AFDN: variants seen among roughly 807,000 people sequenced by gnomAD.
The protein encoded by AFDN is afadin, adherens junction formation factor.
In AFDN, 68 loss-of-function variants were observed where a neutral mutation model predicts 216.6. The observed-to-expected ratio is 0.31, with a 90% CI of 0.26 to 0.38. AFDN has a LOEUF of 0.38. Among genes scored for constraint, AFDN ranks in the 10% least tolerant of loss-of-function variants. The pLI, the probability that AFDN is intolerant of heterozygous loss-of-function variation, is 1.00. For missense variants in AFDN, 2,136 were observed against 2,342.0 expected (o/e 0.91, Z 1.82); for synonymous variants, 868 against 853.7 (o/e 1.02, Z -0.29).
At chr6:167,859,396 A>C (rs1204678467) in intron 1 of AFDN, among the ~76,000 whole-genome samples, 2 of 152,170 alleles carry the variant, frequency 1.3e-5, no homozygotes, top group African/African-American at 4.8e-5. Context: ...CAGCATAAGA[A>C]ATAAATTGGT....
At chr6:167,917,984 T>C (rs1019762730) in intron 20 of AFDN, among the ~76,000 whole-genome samples, 2 of 152,242 alleles carry the variant, frequency 1.3e-5, no homozygotes, top group Admixed American at 6.5e-5. Context: ...GTGTACACTT[T>C]AGGAACAGTC....
At chr6:167,892,722 C>T (rs1046299168) in intron 8 of AFDN, among the ~76,000 whole-genome samples, 4 of 152,184 alleles carry the variant, frequency 2.6e-5, no homozygotes, top group African/African-American at 7.2e-5. Context: ...GATTAAACCC[C>T]TTCACCTTGG....
At chr6:167,850,067 A>G (rs1170705634) in intron 1 of AFDN, among the ~76,000 whole-genome samples, 1 of 152,238 alleles carries the variant, frequency 6.6e-6, no homozygotes, top group Non-Finnish European at 1.5e-5. Flanking sequence ...GGCAGGAGGT[A>G]CCGGTTGGCA....
intron 4 of AFDN, among the ~76,000 whole-genome samples, chr6:167,874,143 C>T (rs963120937): frequency 6.6e-6 from 1 of 152,148 alleles, no homozygotes; most frequent in Non-Finnish European, 1.5e-5. Flanking sequence ...AGTCAGGAGG[C>T]TAAGGTGGGA....
intron 23 of AFDN, among the ~76,000 whole-genome samples, chr6:167,929,574 C>G (rs541909296): frequency 6.6e-6 from 1 of 152,184 alleles, no homozygotes; most frequent in Admixed American, 6.5e-5. Flanking sequence ...GTAGTTGTCC[C>G]CTTAGAGCAG....
chr6:167,890,977 T>C lies in AFDN; in HGVS notation c.1125T>C (p.Tyr375=). Residue 375 remains tyrosine, a synonymous_variant, in exon 8 of 34, where the codon TAT becomes TAC. Transcript: ENST00000683244. ...AGGAGAGAGCTGACGGGTCTGGCTATGGCTCCACCCTTCCTCCGGAGAAGC... is the reference window on the plus strand; with the variant it reads ...AGGAGAGAGCTGACGGGTCTGGCTACGGCTCCACCCTTCCTCCGGAGAAGC... ...KGKERADGSG[Y]GSTLPPEKLP... 1.2e-6 allele frequency: 2 copies of C among 1,614,112 alleles called. No individual in the cohort carries two copies. Among genetic ancestry groups the C allele is most frequent in the African/African-American group, 1.3e-5 (1 of 75,056 alleles).
chr6:167,955,600 C>T (rs12201962), intron 30 of AFDN, among the ~76,000 whole-genome samples: 1 of 152,162 alleles, frequency 6.6e-6, no homozygotes, highest in South Asian at 2.1e-4. Flanking sequence ...TACCAGCCAG[C>T]TCTCAGGCCC....
intron 1 of AFDN, among the ~76,000 whole-genome samples, chr6:167,832,037 CTT>C (rs1779884141): frequency 6.6e-6 from 1 of 152,108 alleles, no homozygotes; most frequent in Admixed American, 6.5e-5. Context: ...TAGATTGAGT[CTT>C]GATTTCTGCT....
intron 1 of AFDN, among the ~76,000 whole-genome samples, chr6:167,835,804 G>A (rs896419737): frequency 2.0e-5 from 3 of 152,020 alleles, no homozygotes; most frequent in Admixed American, 6.6e-5. Flanking sequence ...GACCTGAAAG[G>A]GTCTCAGAGA....
Position 167,951,322 on chromosome 6 carries a change from C to T in AFDN, c.3968C>T (p.Thr1323Ile). ...INQSSSLDSS[T>I]SSQEHLNHSS... ...CAGAGCTCCTCACTGGACTCCAGTA[C>T]CTCTAGCCAGGAGCATCTGAACCAT... The change falls in exon 30 of 34, where the codon ACC becomes ATC. Residue 1323 changes from threonine to isoleucine, a missense_variant. Thr to Ile is a moderately conservative substitution (Grantham distance 89, BLOSUM62 -1). Transcript: ENST00000683244. This position sits in a 1 kb window ranked among gnomAD's most constrained non-coding sequence, Gnocchi z 7.1. 1 of 1,614,130 alleles carries T rather than the reference C, an allele frequency of 6.2e-7. No individual in the cohort carries two copies. The highest frequency in any genetic ancestry group is 8.5e-7 in the Non-Finnish European group (1 of 1,180,012).
Position 167,971,873 on chromosome 6 carries a change from G to C in AFDN, c.*1938G>C, listed in dbSNP as rs1303435119. On this transcript the variant is annotated 3_prime_UTR_variant, in exon 34 of 34. Transcript: ENST00000683244. Reference sequence around the variant, plus strand: ...AGTTTTCCATTTCTACTGTATTTCAGTTGCAACCTATTTTTAATAAACTTT... The same window carrying C: ...AGTTTTCCATTTCTACTGTATTTCACTTGCAACCTATTTTTAATAAACTTT... The C allele has an allele frequency of 9.9e-6, 2 of 202,540 alleles. No homozygotes were observed. Among genetic ancestry groups the C allele is most frequent in the Non-Finnish European group, 1.0e-5 (1 of 98,646 alleles). 12.5% of individuals were successfully genotyped at this position (202,540 alleles called of 1,614,324 possible).
At chr6:167,918,353 A>G (rs1324676709) in intron 20 of AFDN, among the ~76,000 whole-genome samples, 2 of 152,222 alleles carry the variant, frequency 1.3e-5, no homozygotes, top group African/African-American at 4.8e-5. Context: ...TTTTCCCTAT[A>G]TCATTAAACA....
Position 167,918,790 on chromosome 6 carries a change from G to T in AFDN, c.2765G>T (p.Arg922Leu). The change falls in exon 21 of 34, where the codon CGC (arginine) becomes CTC (leucine). Residue 922 changes from arginine to leucine, a missense_variant. This residue lies in a region of AFDN where 162 missense variants were observed against 182.6 expected (regional missense o/e 0.89). Transcript: ENST00000683244. ...GAAAACACTGCCGATGAGCTGGCCCGCAGTGATGGAAGGGAAGTGCAGTTG... is the reference window on the plus strand; with the variant it reads ...GAAAACACTGCCGATGAGCTGGCCCTCAGTGATGGAAGGGAAGTGCAGTTG... ...VAENTADELA[R>L]SDGREVQLEE... 1 of 1,613,592 alleles carries T rather than the reference G, an allele frequency of 6.2e-7. No individual in the cohort carries two copies. The highest frequency in any genetic ancestry group is 2.2e-5 in the East Asian group (1 of 44,882).
intron 32 of AFDN, chr6:167,968,376 C>T (rs1302792950): frequency 6.6e-6 from 1 of 152,226 alleles, no homozygotes; most frequent in Non-Finnish European, 1.5e-5. Context: ...GTCCCGTCTG[C>T]AGCACATCAG....
rs900504963 is a variant in AFDN at position 167,915,402 on chromosome 6, C to T, written c.2534C>T (p.Ala845Val). The change falls in exon 19 of 34, where the codon GCT (alanine) becomes GTT (valine). Residue 845 changes from alanine to valine, a missense_variant. By Grantham distance (64) the Ala-to-Val change is moderately conservative. This residue lies in a region of AFDN where 5 missense variants were observed against 23.4 expected (regional missense o/e 0.21). Coordinates refer to ENST00000683244, the MANE Select transcript of AFDN (RefSeq NM_001386888.1). Reference sequence around the variant, plus strand: ...GCTGAGAAGCAGGGGCTGGAACTGGCTGCGGACTGTCATCTGAGCAGGATC... The same window carrying T: ...GCTGAGAAGCAGGGGCTGGAACTGGTTGCGGACTGTCATCTGAGCAGGATC... ...AWAEKQGLEL[A>V]ADCHLSRIVQ... 5 of 1,613,878 alleles carry T rather than the reference C, an allele frequency of 3.1e-6. No individual in the cohort carries two copies. The highest frequency in any genetic ancestry group is 4.2e-6 in the Non-Finnish European group (5 of 1,179,948).
chr6:167,838,503 TAA>T (rs768012023), intron 1 of AFDN, among the ~76,000 whole-genome samples: 4 of 152,234 alleles, frequency 2.6e-5, no homozygotes, highest in Non-Finnish European at 5.9e-5. Flanking sequence ...ATCACTCAGT[TAA>T]TTTTGTGTCA....
Position 167,832,612 on chromosome 6 carries a change from C to G in AFDN, c.105+5375C>G, listed in dbSNP as rs546907612. On this transcript the variant is annotated intron_variant, in intron 1 of 33. Coordinates refer to ENST00000683244, the MANE Select transcript of AFDN (RefSeq NM_001386888.1). ...AGCATATAGAGAGGTGGTTCAAATA[C>G]AAGCAGGAAGGTATTTTCCCAGTGT... 2.0e-5 allele frequency among the ~76,000 whole-genome samples: 3 copies of G among 152,270 alleles called. No individual in the cohort carries two copies. The East Asian group carries it at 5.8e-4, about 29-fold the overall frequency.
chr6:167,890,809 G>A (rs543071140), intron 7 of AFDN, 53 bp from the exon 8 acceptor site: 10 of 1,568,088 alleles, frequency 6.4e-6, no homozygotes, highest in South Asian at 1.2e-5. Context: ...CAGTCAGCGG[G>A]CCATCCTGAC....
chr6:167,953,929 A>G (rs902829699), intron 30 of AFDN, among the ~76,000 whole-genome samples: 1 of 152,238 alleles, frequency 6.6e-6, no homozygotes, highest in South Asian at 2.1e-4. Context: ...AAATGAGTCA[A>G]CAGTATCAGC....
Sources: gnomAD v4.1 joint callset for allele counts (sites outside exome capture counted in the v4.1 genomes callset) on GRCh38, gnomAD v4.1.1 for gene constraint, gnomAD v4.1.1 regional missense constraint, Gnocchi (gnomAD v3.1) non-coding constraint, MANE v1.5 for transcripts, NCBI Gene and HGNC (gene_info 2026-07-23, HGNC 2026-07-21) for gene names.